The following RNASEH1 variants were observed in gnomAD, a reference collection of about 807,000 sequenced individuals.
RNASEH1 encodes the protein ribonuclease H1.
A neutral mutation model predicts 34.6 loss-of-function variants in RNASEH1; 27 were observed. The observed-to-expected ratio is 0.78, with a 90% CI of 0.58 to 1.08. RNASEH1 has a LOEUF of 1.08. Ranked by LOEUF, RNASEH1 falls within the 50% of genes least tolerant of loss-of-function variation. The pLI, the probability that RNASEH1 is intolerant of heterozygous loss-of-function variation, is 0.00. For missense variants in RNASEH1, 349 were observed against 373.6 expected, an observed-to-expected ratio of 0.93 and a Z score of 0.54; for synonymous variants, 162 against 138.4, an observed-to-expected ratio of 1.17 and a Z score of -1.20.
At chr2:3,550,336 A>T in intron 4 of RNASEH1, 37 bp downstream of exon 4, 1 of 1,480,702 alleles carries the variant, frequency 6.8e-7, no homozygotes, top group Non-Finnish European at 9.4e-7. Flanking sequence ...CAAGTTGTGG[A>T]ACATGATTCA....
At chr2:3,533,274 T>C in the RNASEH1 span, 2 of 152,218 alleles carry the variant, frequency 1.3e-5, no homozygotes, top group African/African-American at 2.4e-5. Flanking sequence ...CCAAAATACA[T>C]GCAAATAAAA....
Position 3,544,150 on chromosome 2 carries a change from T to C in RNASEH1, c.*1635A>G, listed in dbSNP as rs932154299. Among the ~76,000 whole-genome samples, 3 of 152,212 alleles carry C rather than the reference T, an allele frequency of 2.0e-5. No individual in the cohort carries two copies. The highest frequency in any genetic ancestry group is 7.2e-5 in the African/African-American group (3 of 41,464). On this transcript the variant is annotated 3_prime_UTR_variant, in exon 8 of 8. Coordinates refer to ENST00000315212, the MANE Select transcript of RNASEH1 (RefSeq NM_002936.6). ...ACGACAGAATGAGAATACCACCATTTTGCAACCCCAAATAATTAATGGATC... is the reference window on the plus strand; with the variant it reads ...ACGACAGAATGAGAATACCACCATTCTGCAACCCCAAATAATTAATGGATC...
At chr2:3,538,211 CGTGGTGTTGGGCACCTT>C (rs1668089015), downstream of RNASEH1, among the ~76,000 whole-genome samples, 1 of 149,208 alleles carries the variant, frequency 6.7e-6, no homozygotes, top group African/African-American at 2.5e-5. Flanking sequence ...AGTAGCCGGG[CGTGGTGTTGGGCACCTT>C]GTAGTCCCAG....
At position 3,543,458 on chromosome 2, in the gene RNASEH1, C is replaced by A. The variant is rs1668461329; in HGVS notation, c.*2327G>T. 6.6e-6 allele frequency among the ~76,000 whole-genome samples: 1 copy of A among 152,064 alleles called. No homozygotes were observed. Among genetic ancestry groups the A allele is most frequent in the Admixed American group, 6.5e-5 (1 of 15,274 alleles). ...AGCTATCAATGACTGTGCGTGTGGTCTGTGCACACATGTATGCACACATGT... is the reference window on the plus strand; with the variant it reads ...AGCTATCAATGACTGTGCGTGTGGTATGTGCACACATGTATGCACACATGT... On this transcript the variant is annotated 3_prime_UTR_variant, in exon 8 of 8. Coordinates refer to ENST00000315212, the MANE Select transcript of RNASEH1 (RefSeq NM_002936.6).
rs1216220881 is a variant in RNASEH1, at chr2:3,549,073, T to C, written c.549A>G (p.Gln183=). ...GATAACTTACATGAATTTCCGCTCT[T>C]TGGTTTGTCTGCCGCCCAGGAAGTC... ...GIRLPGRQTN[Q]RAEIHAACKA... The change falls in exon 5 of 8, where the codon CAA becomes CAG. Residue 183 remains glutamine (Q), a synonymous_variant. Transcript: ENST00000315212. The C allele has an allele frequency of 9.9e-6, 16 of 1,613,586 alleles. No homozygotes were observed. The highest frequency in any genetic ancestry group is 1.4e-5 in the Non-Finnish European group (16 of 1,179,604).
the RNASEH1 span, among the ~76,000 whole-genome samples, chr2:3,535,410 G>A: frequency 6.3e-5 from 9 of 142,270 alleles, no homozygotes; most frequent in Non-Finnish European, 1.2e-4. Flanking sequence ...CTGCGTGACA[G>A]AGTGAGACTA....
In RNASEH1 at chr2:3,553,003, G is replaced by A. The variant is rs114281388; in HGVS notation, c.245-695C>T. Among the ~76,000 whole-genome samples, 1,355 of 152,182 alleles carry A rather than the reference G, an allele frequency of 8.9e-3. 21 individuals carry two copies. The highest frequency in any genetic ancestry group is 0.031 in the African/African-American group (1,281 of 41,540). ...GGACATATTAAGAAAGGAAAACAGG[G>A]CTGGGAAGCCGAGGCGGGCAGATCA... On this transcript the variant is annotated intron_variant, in intron 2 of 7. Coordinates refer to ENST00000315212, the MANE Select transcript of RNASEH1 (RefSeq NM_002936.6).
chr2:3,552,284 T>C lies in RNASEH1; in HGVS notation c.269A>G (p.Glu90Gly). 1 of 1,613,916 alleles carries C rather than the reference T, an allele frequency of 6.2e-7. No homozygotes were observed. Among genetic ancestry groups the C allele is most frequent in the African/African-American group, 1.3e-5 (1 of 75,038 alleles). ...TCGCTTGCTGGCTTTCGCCTCCGATTCTTGTCCATGTTGATTTTCATGCCC... is the reference window on the plus strand; with the variant it reads ...TCGCTTGCTGGCTTTCGCCTCCGATCCTTGTCCATGTTGATTTTCATGCCC... Reference protein sequence around the residue: ...SEGHENQHGQESEAKASKRLR... With the variant: ...SEGHENQHGQGSEAKASKRLR... Residue 90 changes from glutamate (E) to glycine (G), a missense_variant, in exon 3 of 8, where the codon GAA (glutamate) becomes GGA (glycine). Glu to Gly is a moderately conservative substitution (Grantham distance 98). Coordinates refer to ENST00000315212, the MANE Select transcript of RNASEH1 (RefSeq NM_002936.6).
At chr2:3,537,619 G>A (rs1370667678), downstream of RNASEH1, among the ~76,000 whole-genome samples, 1 of 152,136 alleles carries the variant, frequency 6.6e-6, no homozygotes, top group African/African-American at 2.4e-5. Flanking sequence ...TACTCAGGAG[G>A]CTGAGGCTGG....
At chr2:3,558,011 C>T in intron 1 of RNASEH1, 122 bp downstream of exon 1, 1 of 1,483,914 alleles carries the variant, frequency 6.7e-7, no homozygotes, top group South Asian at 1.4e-5. Flanking sequence ...CCCGACCACC[C>T]ACAGCCACAG....
At chr2:3,532,511 C>T in the RNASEH1 span, among the ~76,000 whole-genome samples, 1 of 152,152 alleles carries the variant, frequency 6.6e-6, no homozygotes, top group African/African-American at 2.4e-5. Flanking sequence ...TTTCACACCC[C>T]TAGATGGTAC....
chr2:3,537,489 G>A (rs1186994422), downstream of RNASEH1, among the ~76,000 whole-genome samples: 1 of 152,134 alleles, frequency 6.6e-6, no homozygotes, highest in Non-Finnish European at 1.5e-5. Flanking sequence ...TTGGGAGGCC[G>A]AGGCTGGAGA....
chr2:3,552,756 G>C (rs913803425), intron 2 of RNASEH1, among the ~76,000 whole-genome samples: 1 of 151,976 alleles, frequency 6.6e-6, no homozygotes, highest in Non-Finnish European at 1.5e-5. Context: ...CCAGCTACTC[G>C]GGAGGCTGAC....
chr2:3,553,397 G>GTT (rs1181652826), intron 2 of RNASEH1, among the ~76,000 whole-genome samples: 4 of 145,192 alleles, frequency 2.8e-5, no homozygotes, highest in Non-Finnish European at 3.0e-5. Flanking sequence ...ATCCCAAATA[G>GTT]TTTTTTTTTT....
rs992339881 is a variant in RNASEH1 at position 3,542,050 on chromosome 2, CAAAG to C, written c.*3731_*3734del. Among the ~76,000 whole-genome samples the C allele has an allele frequency of 4.6e-5, 7 of 151,976 alleles. No homozygotes were observed. Among genetic ancestry groups the C allele is most frequent in the African/African-American group, 7.3e-5 (3 of 41,376 alleles). On this transcript the variant is annotated 3_prime_UTR_variant, in exon 8 of 8. Transcript: ENST00000315212. ...ACAACTTTTAAAACTCAAAAAGAAACAAAGAAAGAGATAAAAGAGATTCAAGAGA... is the reference window on the plus strand; with the variant it reads ...ACAACTTTTAAAACTCAAAAAGAAACAAAGAGATAAAAGAGATTCAAGAGA...
At chr2:3,545,975 T>G (rs913993987) in intron 7 of RNASEH1, 104 bp from the exon 8 acceptor site, 2 of 786,304 alleles carry the variant, frequency 2.5e-6, no homozygotes, top group Non-Finnish European at 4.4e-6. Flanking sequence ...CTGCACAGCA[T>G]AAGCTCAACT....
downstream of RNASEH1, among the ~76,000 whole-genome samples, chr2:3,539,166 GTCT>G (rs1228099474): frequency 1.3e-5 from 2 of 151,896 alleles, no homozygotes; most frequent in Admixed American, 6.6e-5. Flanking sequence ...TTTATACGTA[GTCT>G]TCTTTCATGA....
intron 2 of RNASEH1, among the ~76,000 whole-genome samples, chr2:3,555,643 A>G (rs554743674): frequency 2.0e-4 from 30 of 152,312 alleles, no homozygotes; most frequent in Non-Finnish European, 3.2e-4. Context: ...AAGGTAATTA[A>G]AACTATGCTC....
intron 1 of RNASEH1, among the ~76,000 whole-genome samples, chr2:3,557,324 T>C (rs1239209374): frequency 6.6e-6 from 1 of 152,202 alleles, no homozygotes; most frequent in East Asian, 1.9e-4. Flanking sequence ...TATAGTTTTA[T>C]CCTGCACGTC....
Sources: allele counts gnomAD v4.1 joint callset (sites outside exome capture counted in the v4.1 genomes callset), GRCh38; gene constraint gnomAD v4.1.1; transcripts MANE v1.5; gene names NCBI Gene and HGNC (gene_info 2026-07-23, HGNC 2026-07-21).